The following KHDRBS2 variants were observed in gnomAD, a reference collection of about 807,000 sequenced individuals.
KHDRBS2 encodes KH domain-containing, RNA-binding, signal transduction-associated protein 2.
KHDRBS2 carries 26 observed loss-of-function variants against 44.3 expected under a neutral mutation model. The ratio of observed to expected loss-of-function variants is 0.59; its 90% CI spans 0.43 to 0.81. The LOEUF is 0.81. Ranked by LOEUF, KHDRBS2 falls within the 40% of genes least tolerant of loss-of-function variation. The probability of loss-of-function intolerance (pLI) is 0.00; values close to 1 mark genes in which losing one functional copy is unlikely to be tolerated. For missense variants in KHDRBS2, 476 were observed against 433.1 expected (o/e 1.10, Z -0.88); for synonymous variants, 194 against 151.1 (o/e 1.28, Z -2.08).
At position 62,065,505 on chromosome 6, in the gene KHDRBS2, T is replaced by C. The variant is rs374032418; in HGVS notation, c.220-17511A>G. ...GTAGGGACATGGATGAAATTGGAAA[T>C]CATCATTCTCAGTAAACTATCGCAA... On this transcript the variant is annotated intron_variant, in intron 2 of 8. Transcript: ENST00000281156. Among the ~76,000 whole-genome samples, 5 of 150,804 alleles carry C rather than the reference T, an allele frequency of 3.3e-5. 1 individual carries two copies. Among genetic ancestry groups the C allele is most frequent in the African/African-American group, 7.3e-5 (3 of 40,986 alleles).
intron 4 of KHDRBS2, among the ~76,000 whole-genome samples, chr6:61,947,774 G>A (rs1813665003): frequency 6.6e-6 from 1 of 151,832 alleles, no homozygotes; most frequent in Non-Finnish European, 1.5e-5. Context: ...AATATACTGA[G>A]TCATAATGTG....
At position 62,286,004 on chromosome 6, in the gene KHDRBS2, C is replaced by T; in HGVS notation, c.-56G>A. The T allele has an allele frequency of 9.0e-7, 1 of 1,108,870 alleles. No individual in the cohort carries two copies. Among genetic ancestry groups the T allele is most frequent in the Non-Finnish European group, 1.4e-6 (1 of 737,500 alleles). The allele number at this position is 1,108,870 out of a possible 1,614,324, so 68.7% of individuals were successfully genotyped here. A position where few individuals can be genotyped will look rare whatever the true frequency, so the allele number is the denominator to read the frequency against. ...GCGCGAGGTTCCGCTCGCTCGGACG[C>T]AGGCAGGGTCTTGGGGCAGCGCCTG... On this transcript the variant is annotated 5_prime_UTR_variant, in exon 1 of 9. Coordinates refer to ENST00000281156, the MANE Select transcript of KHDRBS2 (RefSeq NM_152688.4).
chr6:61,972,378 A>G (rs1167164716), intron 4 of KHDRBS2, among the ~76,000 whole-genome samples: 1 of 152,196 alleles, frequency 6.6e-6, no homozygotes, highest in Non-Finnish European at 1.5e-5. Flanking sequence ...ATGATTACAG[A>G]TGTCTTCCAA....
intron 2 of KHDRBS2, among the ~76,000 whole-genome samples, chr6:62,106,262 T>G (rs550838417): frequency 1.3e-4 from 20 of 152,288 alleles, no homozygotes; most frequent in African/African-American, 4.8e-4. Context: ...TCTGTTGATT[T>G]GGGGTGGAGA....
At chr6:61,698,684 C>A (rs1014061441) in intron 7 of KHDRBS2, among the ~76,000 whole-genome samples, 1 of 152,054 alleles carries the variant, frequency 6.6e-6, no homozygotes, top group East Asian at 1.9e-4. Flanking sequence ...TTTGTCCCCC[C>A]CTTGTATTTC....
At position 62,143,668 on chromosome 6, in the gene KHDRBS2, C is replaced by T. The variant is rs1284490278; in HGVS notation, c.219+33517G>A. On this transcript the variant is annotated intron_variant, in intron 2 of 8. Coordinates refer to ENST00000281156, the MANE Select transcript of KHDRBS2 (RefSeq NM_152688.4). ...CAACACTCCAATCGTAATGGCTATT[C>T]TCTCCTGGCTAAGTCTCAGATTATT... Among the ~76,000 whole-genome samples the T allele has an allele frequency of 2.0e-5, 3 of 146,392 alleles. No homozygotes were observed. The Admixed American group carries it at 2.1e-4, about 10-fold the overall frequency.
chr6:61,696,560 T>C (rs1471665197), intron 8 of KHDRBS2, among the ~76,000 whole-genome samples: 1 of 152,076 alleles, frequency 6.6e-6, no homozygotes, highest in African/African-American at 2.4e-5. Flanking sequence ...CCCGGCCACA[T>C]ATGTATTTTA....
At chr6:61,942,052 C>T (rs1451001098) in intron 4 of KHDRBS2, among the ~76,000 whole-genome samples, 1 of 151,944 alleles carries the variant, frequency 6.6e-6, no homozygotes, top group East Asian at 1.9e-4. Flanking sequence ...CCTTGAACTC[C>T]TGGGCTCAAT....
chr6:61,959,155 A>T (rs897234127), intron 4 of KHDRBS2, among the ~76,000 whole-genome samples: 1 of 152,200 alleles, frequency 6.6e-6, no homozygotes, highest in Non-Finnish European at 1.5e-5. Context: ...ATCAGCAGAT[A>T]ACATTGCCTT....
At chr6:61,614,797 T>A in the KHDRBS2 span, among the ~76,000 whole-genome samples, 1 of 152,198 alleles carries the variant, frequency 6.6e-6, no homozygotes, top group Non-Finnish European at 1.5e-5. Flanking sequence ...GAATGCGGTA[T>A]GACCTTGGTT....
intron 3 of KHDRBS2, among the ~76,000 whole-genome samples, chr6:62,040,725 C>T (rs1786297134): frequency 6.6e-6 from 1 of 152,056 alleles, no homozygotes; most frequent in African/African-American, 2.4e-5. Flanking sequence ...TTTCAGAATC[C>T]TTTCAAGGCA....
At chr6:61,769,900 C>T (rs1038131483) in intron 6 of KHDRBS2, among the ~76,000 whole-genome samples, 4 of 152,186 alleles carry the variant, frequency 2.6e-5, no homozygotes, top group Admixed American at 6.5e-5. Flanking sequence ...CAAGTGGGTC[C>T]CTGACCCCCA....
intron 4 of KHDRBS2, among the ~76,000 whole-genome samples, chr6:61,901,820 G>C (rs1017091229): frequency 6.6e-6 from 1 of 152,110 alleles, no homozygotes; most frequent in African/African-American, 2.4e-5. Context: ...GCAATCCCAA[G>C]GGCTCAGAGT....
At chr6:62,199,214 C>T (rs192915914) in intron 1 of KHDRBS2, among the ~76,000 whole-genome samples, 30 of 152,256 alleles carry the variant, frequency 2.0e-4, no homozygotes, top group South Asian at 6.2e-4. Context: ...TCCTATTCAA[C>T]ATAGTGTTGG....
intron 2 of KHDRBS2, among the ~76,000 whole-genome samples, chr6:62,097,015 T>C (rs1800756379): frequency 6.6e-6 from 1 of 151,956 alleles, no homozygotes; most frequent in Admixed American, 6.6e-5. Flanking sequence ...AAGCATGTTT[T>C]TAAATTTCCA....
chr6:62,042,565 T>C (rs1310192589), intron 3 of KHDRBS2, among the ~76,000 whole-genome samples: 3 of 152,100 alleles, frequency 2.0e-5, no homozygotes, highest in African/African-American at 7.2e-5. Flanking sequence ...GAGCATGACT[T>C]CACCCCTTCA....
At chr6:61,631,305 CAAAAAAAAAAAAAAA>C in the KHDRBS2 span, among the ~76,000 whole-genome samples, 8 of 66,992 alleles carry the variant, frequency 1.2e-4, no homozygotes, top group African/African-American at 3.9e-4. Flanking sequence ...ACGAATAAGC[CAAAAAAAAAAAAAAA>C]AAAAAAAAAA....
At chr6:61,640,497 G>T in the KHDRBS2 span, among the ~76,000 whole-genome samples, 4 of 152,006 alleles carry the variant, frequency 2.6e-5, no homozygotes, top group Admixed American at 6.6e-5. Flanking sequence ...TCCACTGGTC[G>T]CTTAATGTCC....
intron 6 of KHDRBS2, among the ~76,000 whole-genome samples, chr6:61,803,481 T>G (rs753013107): frequency 9.9e-5 from 15 of 152,160 alleles, no homozygotes; most frequent in Non-Finnish European, 1.6e-4. Context: ...CAACACTAAA[T>G]TGTACGTACT....
Sources: gnomAD v4.1 joint callset for allele counts (sites outside exome capture counted in the v4.1 genomes callset) on GRCh38, gnomAD v4.1.1 for gene constraint, MANE v1.5 for transcripts, NCBI Gene and HGNC (gene_info 2026-07-23, HGNC 2026-07-21) for gene names.